The following PMPCB variants were observed in gnomAD, a reference collection of about 807,000 sequenced individuals.
PMPCB encodes the protein peptidase, mitochondrial processing subunit beta.
In PMPCB, 46 loss-of-function variants were observed where a neutral mutation model predicts 61.5. That is an observed-to-expected ratio of 0.75 (90% CI 0.59 to 0.96). The LOEUF (loss-of-function observed/expected upper bound fraction) is 0.96. Among genes scored for constraint, PMPCB ranks in the 40% least tolerant of loss-of-function variants. The pLI, the probability that PMPCB is intolerant of heterozygous loss-of-function variation, is 0.00. For synonymous variants in PMPCB, 191 were observed against 201.6 expected, an observed-to-expected ratio of 0.95 and a Z score of 0.44; for missense variants, 590 against 602.4, an observed-to-expected ratio of 0.98 and a Z score of 0.22.
At position 103,312,678 on chromosome 7, in the gene PMPCB, C is replaced by T. The variant is rs73412165; in HGVS notation, c.*407C>T. ...GAGAAAGGTGTGATTTAAGAAGTTGCGATTTAAAAACAGACATTTTAATCT... is the reference window on the plus strand; with the variant it reads ...GAGAAAGGTGTGATTTAAGAAGTTGTGATTTAAAAACAGACATTTTAATCT... On this transcript the variant is annotated 3_prime_UTR_variant, in exon 13 of 13. Coordinates refer to ENST00000249269, the MANE Select transcript of PMPCB (RefSeq NM_004279.3). 405 of 1,603,004 alleles carry T rather than the reference C, an allele frequency of 2.5e-4. No homozygotes were observed. The African/African-American group carries it at 4.7e-3, about 19-fold the overall frequency.
chr7:103,323,353 T>C (rs981300192), intron 12 of PMPCB, among the ~76,000 whole-genome samples: 2 of 152,200 alleles, frequency 1.3e-5, no homozygotes, highest in African/African-American at 2.4e-5. Flanking sequence ...AAGAAAAAGA[T>C]TTTGCTGAAC....
At chr7:103,323,114 G>A (rs1441255702) in intron 12 of PMPCB, among the ~76,000 whole-genome samples, 1 of 152,218 alleles carries the variant, frequency 6.6e-6, no homozygotes, top group African/African-American at 2.4e-5. Context: ...ATTTTTAGTA[G>A]AGACAGGGTT....
chr7:103,302,149 C>A (rs1029866589), intron 4 of PMPCB, among the ~76,000 whole-genome samples: 1 of 152,160 alleles, frequency 6.6e-6, no homozygotes, highest in Non-Finnish European at 1.5e-5. Flanking sequence ...TTTATGGATG[C>A]ATAGTATTCC....
chr7:103,311,588 T>C, intron 9 of PMPCB, 55 bp from the exon 10 acceptor site: 1 of 1,281,322 alleles, frequency 7.8e-7, no homozygotes, highest in Non-Finnish European at 1.1e-6. Flanking sequence ...TCTTAGGTCA[T>C]TAACTCATGA....
At chr7:103,332,688 G>T (rs916309204), downstream of PMPCB, among the ~76,000 whole-genome samples, 1 of 151,848 alleles carries the variant, frequency 6.6e-6, no homozygotes, top group Admixed American at 6.6e-5. Context: ...GGAGTGCAGT[G>T]GTGTGATCAC....
chr7:103,326,754 T>C, intron 12 of PMPCB: 2 of 1,435,644 alleles, frequency 1.4e-6, no homozygotes, highest in Non-Finnish European at 1.9e-6. Context: ...AAACAAGTAT[T>C]TCCCTCCTTA....
chr7:103,319,609 C>G (rs1818270565), downstream of PMPCB: 1 of 1,613,806 alleles, frequency 6.2e-7, no homozygotes, highest in Non-Finnish European at 8.5e-7. Flanking sequence ...CCTCTATTAC[C>G]TGTTTTTCCA....
chr7:103,334,982 C>A, the PMPCB span, among the ~76,000 whole-genome samples: 1 of 152,014 alleles, frequency 6.6e-6, no homozygotes, highest in Non-Finnish European at 1.5e-5. Flanking sequence ...TACAGGCATG[C>A]GTCTCCATGC....
At chr7:103,334,044 G>A (rs950887283), downstream of PMPCB, among the ~76,000 whole-genome samples, 10 of 150,728 alleles carry the variant, frequency 6.6e-5, no homozygotes, top group Non-Finnish European at 1.3e-4. Flanking sequence ...TCCACCTCCC[G>A]GGTTCACGCC....
At chr7:103,335,145 CTTAA>C in the PMPCB span, 22 of 152,178 alleles carry the variant, frequency 1.4e-4, no homozygotes, top group African/African-American at 5.3e-4. Flanking sequence ...CTACTTCACA[CTTAA>C]TTAATTTTCA....
downstream of PMPCB, among the ~76,000 whole-genome samples, chr7:103,332,065 T>C: frequency 6.6e-6 from 1 of 151,610 alleles, no homozygotes; most frequent in East Asian, 1.9e-4. Flanking sequence ...AGTGCAGTGG[T>C]GCAGTCTTGG....
At chr7:103,314,991 C>CA (rs1184364946), downstream of PMPCB, among the ~76,000 whole-genome samples, 1 of 152,118 alleles carries the variant, frequency 6.6e-6, no homozygotes, top group Non-Finnish European at 1.5e-5. Context: ...ACATCCTAAA[C>CA]AAAGACACAC....
intron 4 of PMPCB, among the ~76,000 whole-genome samples, chr7:103,301,011 CCTT>C (rs1817436130): frequency 6.6e-6 from 1 of 152,174 alleles, no homozygotes; most frequent in African/African-American, 2.4e-5. Flanking sequence ...CCTTTAAGGT[CCTT>C]CTGTAGTTGT....
chr7:103,302,754 T>C (rs1452258490), intron 4 of PMPCB, among the ~76,000 whole-genome samples: 1 of 152,174 alleles, frequency 6.6e-6, no homozygotes, highest in East Asian at 1.9e-4. Context: ...AAATGAAACC[T>C]AAACCAGACA....
downstream of PMPCB, among the ~76,000 whole-genome samples, chr7:103,333,611 T>C (rs10266523): frequency 0.23 from 35,086 of 152,138 alleles, 6,341 homozygotes; most frequent in African/African-American, 0.51. Context: ...AAGGAAAATA[T>C]AGGCCGTTTC....
At chr7:103,346,480 A>G in the PMPCB span, among the ~76,000 whole-genome samples, 15 of 152,274 alleles carry the variant, frequency 9.9e-5, no homozygotes, top group African/African-American at 3.6e-4. Flanking sequence ...ATAACATGAA[A>G]TTTACGATCT....
intron 5 of PMPCB, 53 bp downstream of exon 5, chr7:103,304,093 T>C: frequency 7.6e-7 from 1 of 1,321,666 alleles, no homozygotes; most frequent in South Asian, 1.3e-5. Context: ...ATGTTGAAAA[T>C]AAACATTTAC....
At position 103,328,720 on chromosome 7, in the gene PMPCB, C is replaced by T. The variant is rs562745043; in HGVS notation, c.*1432-211C>T. 3.9e-5 allele frequency among the ~76,000 whole-genome samples: 6 copies of T among 152,112 alleles called. No homozygotes were observed. In the South Asian group the frequency reaches 1.2e-3, roughly 32 times the overall value. On this transcript the variant is annotated intron_variant and NMD_transcript_variant, in intron 12 of 12. Coordinates refer to the PMPCB transcript ENST00000444457. The stretch of plus-strand genomic sequence containing the variant: ...CTTCAGCTTCACATTATAGCGTTTG[C>T]ATTTTCCATGGTTTTTTCCTTGCAA...
At chr7:103,316,168 C>G, downstream of PMPCB, 1 of 864,918 alleles carries the variant, frequency 1.2e-6, no homozygotes, top group Non-Finnish European at 1.7e-6. Flanking sequence ...TAGATTTTTA[C>G]TGCAGAAAGG....
Sources: allele counts gnomAD v4.1 joint callset (sites outside exome capture counted in the v4.1 genomes callset), GRCh38; gene constraint gnomAD v4.1.1; transcripts MANE v1.5; gene names NCBI Gene and HGNC (gene_info 2026-07-23, HGNC 2026-07-21).